Variants in LPP observed in about 807,000 individuals in gnomAD.
LPP encodes lipoma-preferred partner.
Under a neutral mutation model 60.4 loss-of-function variants are expected in LPP, and 38 were observed. The observed-to-expected ratio is 0.63, with a 90% CI of 0.49 to 0.83. The LOEUF (loss-of-function observed/expected upper bound fraction) is 0.83, where lower values mean the gene tolerates loss of function less well. LPP is among the 40% of genes least tolerant of loss of function. The pLI is 0.00. For missense variants in LPP, 902 were observed against 783.6 expected (o/e 1.15, Z -1.80); for synonymous variants, 328 against 290.8 (o/e 1.13, Z -1.30).
intron 8 of LPP, chr3:188,709,866 G>A (rs559257869): frequency 6.6e-6 from 1 of 152,280 alleles, no homozygotes; most frequent in East Asian, 1.9e-4. Flanking sequence ...TAAAATGGAA[G>A]ATGAAATTTT....
chr3:188,410,737 T>C (rs1405892461), intron 4 of LPP, among the ~76,000 whole-genome samples: 1 of 152,212 alleles, frequency 6.6e-6, no homozygotes, highest in Non-Finnish European at 1.5e-5. Flanking sequence ...AAATTTAGTC[T>C]TCTTAGAGAT....
At chr3:188,314,525 C>T (rs1187828995) in intron 2 of LPP, among the ~76,000 whole-genome samples, 1 of 151,898 alleles carries the variant, frequency 6.6e-6, no homozygotes, top group East Asian at 1.9e-4. Flanking sequence ...TTTAGTGTTG[C>T]TAGATCCTAG....
At chr3:188,534,349 C>T (rs901045414) in intron 6 of LPP, among the ~76,000 whole-genome samples, 8 of 152,284 alleles carry the variant, frequency 5.3e-5, no homozygotes, top group Non-Finnish European at 1.0e-4. Flanking sequence ...TGAAAAGAAA[C>T]GAACAAAGCT....
intron 1 of LPP, among the ~76,000 whole-genome samples, chr3:188,195,698 A>C (rs572869113): frequency 6.6e-6 from 1 of 152,350 alleles, no homozygotes; most frequent in Non-Finnish European, 1.5e-5. Flanking sequence ...CTTATTAATA[A>C]ATTATATGAT....
chr3:188,540,862 C>T (rs1403927833), intron 6 of LPP, among the ~76,000 whole-genome samples: 1 of 152,178 alleles, frequency 6.6e-6, no homozygotes, highest in East Asian at 1.9e-4. Context: ...TACCTCTTTT[C>T]AGCTGGGCAT....
chr3:188,393,293 C>G (rs978615387), intron 3 of LPP, among the ~76,000 whole-genome samples: 1 of 151,828 alleles, frequency 6.6e-6, no homozygotes, highest in African/African-American at 2.4e-5. Flanking sequence ...GCTTTTCTCC[C>G]GAAGATTCAT....
rs1560620601 is a variant in LPP, at chr3:188,602,177, T to TATATATATATATATATA, written c.430-6972_430-6971insATATAATATATATATAT. Among the ~76,000 whole-genome samples, 357 of 114,624 alleles carry TATATATATATATATATA rather than the reference T, an allele frequency of 3.1e-3. 14 individuals are homozygous for TATATATATATATATATA. The highest frequency in any genetic ancestry group is 4.1e-3 in the Middle Eastern group (1 of 246). The allele number at this position is 114,624 out of a possible 152,430, so 75.2% of individuals were successfully genotyped here. A position where few individuals can be genotyped will look rare whatever the true frequency, so the allele number is the denominator to read the frequency against. On this transcript the variant is annotated intron_variant, in intron 6 of 11. Transcript: ENST00000617246. Reference sequence around the variant, plus strand: ...TAATATATATATAATATATATATATTATATATATATATGACATTCTTAATC... The same window carrying TATATATATATATATATA: ...TAATATATATATAATATATATATATTATATATATATATATATAATATATATATATGACATTCTTAATC...
rs190810944 is a variant in LPP, at chr3:188,242,360, T to C, written c.-67+16833T>C. On this transcript the variant is annotated intron_variant, in intron 2 of 11. Transcript: ENST00000617246. Reference sequence around the variant, plus strand: ...TCTTCTTGCATTCAGGTCTATATTGTATTATAAAAAGAAAGAGAGAGACAG... The same window carrying C: ...TCTTCTTGCATTCAGGTCTATATTGCATTATAAAAAGAAAGAGAGAGACAG... Among the ~76,000 whole-genome samples the C allele has an allele frequency of 5.0e-3, 760 of 151,348 alleles. 11 individuals carry two copies. The highest frequency in any genetic ancestry group is 6.8e-3 in the Middle Eastern group (2 of 294).
intron 7 of LPP, among the ~76,000 whole-genome samples, chr3:188,642,405 T>G (rs1228668823): frequency 6.6e-6 from 1 of 152,190 alleles, no homozygotes; most frequent in Non-Finnish European, 1.5e-5. Flanking sequence ...TGGTTAACGT[T>G]TAGTAGTCAA....
chr3:188,479,218 A>G (rs1409693542), intron 4 of LPP, among the ~76,000 whole-genome samples: 1 of 152,200 alleles, frequency 6.6e-6, no homozygotes, highest in Non-Finnish European at 1.5e-5. Context: ...GAGTATCTAC[A>G]TGCTTTTATG....
chr3:188,258,578 C>T (rs1732474143), intron 2 of LPP, among the ~76,000 whole-genome samples: 1 of 152,172 alleles, frequency 6.6e-6, no homozygotes, highest in African/African-American at 2.4e-5. Flanking sequence ...ACCTTGGCCT[C>T]CCAAAGTGCT....
intron 6 of LPP, among the ~76,000 whole-genome samples, chr3:188,534,269 A>G (rs1445159346): frequency 1.3e-5 from 2 of 152,256 alleles, no homozygotes; most frequent in South Asian, 4.2e-4. Flanking sequence ...TGTTTGTTTG[A>G]CCTTGATGAG....
intron 5 of LPP, among the ~76,000 whole-genome samples, chr3:188,511,760 C>T (rs761112344): frequency 2.6e-5 from 4 of 152,050 alleles, no homozygotes; most frequent in Non-Finnish European, 4.4e-5. Context: ...TCGATGAGAT[C>T]GTATATATGA....
intron 7 of LPP, among the ~76,000 whole-genome samples, chr3:188,702,268 A>G (rs1864616246): frequency 6.7e-6 from 1 of 150,318 alleles, no homozygotes; most frequent in African/African-American, 2.4e-5. Flanking sequence ...TCCTCTTAAC[A>G]GTTTTTTAGA....
chr3:188,206,559 G>A (rs1733281605), intron 1 of LPP, among the ~76,000 whole-genome samples: 1 of 152,212 alleles, frequency 6.6e-6, no homozygotes, highest in Non-Finnish European at 1.5e-5. Flanking sequence ...TGGAGAGACA[G>A]AAACAAATAT....
intron 9 of LPP, among the ~76,000 whole-genome samples, chr3:188,788,364 T>G (rs1281697389): frequency 6.6e-6 from 1 of 152,176 alleles, no homozygotes; most frequent in East Asian, 1.9e-4. Flanking sequence ...CTTGATGGAA[T>G]GTGTAGCTTT....
At chr3:188,852,428 G>A (rs768427485) in intron 9 of LPP, among the ~76,000 whole-genome samples, 52 of 152,192 alleles carry the variant, frequency 3.4e-4, no homozygotes, top group Non-Finnish European at 6.0e-4. Flanking sequence ...TTAAGTTAAT[G>A]TGTTGGAAAC....
At chr3:188,278,152 A>G (rs550432498) in intron 2 of LPP, among the ~76,000 whole-genome samples, 1 of 152,342 alleles carries the variant, frequency 6.6e-6, no homozygotes, top group South Asian at 2.1e-4. Flanking sequence ...AAGCCAGCCT[A>G]TGCAGTAGAT....
At chr3:188,454,731 C>T (rs1797346287) in intron 4 of LPP, among the ~76,000 whole-genome samples, 1 of 152,044 alleles carries the variant, frequency 6.6e-6, no homozygotes, top group African/African-American at 2.4e-5. Context: ...GAAGCAAAAG[C>T]GGGAACCCCT....
Sources: gnomAD v4.1 joint callset for allele counts (sites outside exome capture counted in the v4.1 genomes callset) on GRCh38, gnomAD v4.1.1 for gene constraint, MANE v1.5 for transcripts, NCBI Gene and HGNC (gene_info 2026-07-23, HGNC 2026-07-21) for gene names.